LAMA3: variants seen among roughly 807,000 people sequenced by gnomAD.
LAMA3 encodes the protein laminin subunit alpha 3, also known as laminin subunit alpha-3.
LAMA3 carries 281 observed loss-of-function variants against 402.0 expected under a neutral mutation model. The ratio of observed to expected loss-of-function variants is 0.70; its 90% CI spans 0.63 to 0.77. The LOEUF (loss-of-function observed/expected upper bound fraction) is 0.77, where lower values mean the gene tolerates loss of function less well. LAMA3 is among the 30% of genes least tolerant of loss of function. The pLI is 0.00. For synonymous variants in LAMA3, 1,431 were observed against 1,558.4 expected (o/e 0.92, Z 1.93); for missense variants, 3,840 against 4,215.5 (o/e 0.91, Z 2.47).
chr18:23,818,281 G>A (rs938316050), intron 18 of LAMA3, among the ~76,000 whole-genome samples: 1 of 152,226 alleles, frequency 6.6e-6, no homozygotes, highest in Non-Finnish European at 1.5e-5. Flanking sequence ...GTGATTGACT[G>A]ATTTTCAGCA....
Position 23,785,907 on chromosome 18 carries a change from T to C in LAMA3, c.1603+1750T>C, listed in dbSNP as rs924332729. Among the ~76,000 whole-genome samples the C allele has an allele frequency of 1.1e-4, 17 of 152,230 alleles. 1 individual carries two copies. The highest frequency in any genetic ancestry group is 3.9e-4 in the African/African-American group (16 of 41,470). The stretch of plus-strand genomic sequence containing the variant: ...AAATAATACAACACTTTAAGAATGC[T>C]CTTTTCCACATTTCTCCACTACTAG... On this transcript the variant is annotated intron_variant, in intron 12 of 74. Transcript: ENST00000313654.
chr18:23,775,499 GTAGCAT>G (rs2062295886), intron 9 of LAMA3, among the ~76,000 whole-genome samples: 1 of 146,462 alleles, frequency 6.8e-6, no homozygotes, highest in Non-Finnish European at 1.5e-5. Flanking sequence ...CCCTCTGACT[GTAGCAT>G]GCAGGCTTTG....
rs150514244 is a variant in LAMA3 at position 23,894,932 on chromosome 18, C to A, written c.5487C>A (p.Leu1829=). 1 of 1,614,082 alleles carries A rather than the reference C, an allele frequency of 6.2e-7. No homozygotes were observed. The highest frequency in any genetic ancestry group is 8.5e-7 in the Non-Finnish European group (1 of 1,180,050). The change falls in exon 44 of 75, where the codon CTC becomes CTA. Residue 1829 remains leucine (L), a synonymous_variant. Coordinates refer to ENST00000313654, the MANE Select transcript of LAMA3 (RefSeq NM_198129.4). ...CDDCDSCVMT[L]LNDLATMGEQ... ...ATTGCGACAGCTGTGTGATGACCCT[C>A]CTGAACGACCTGGCCACCATGGGCG...
chr18:23,929,101 G>A (rs532432812), intron 64 of LAMA3, among the ~76,000 whole-genome samples: 1 of 152,336 alleles, frequency 6.6e-6, no homozygotes. Context: ...TCAGAGCTCA[G>A]AAAGAAAATC....
chr18:23,858,902 G>A, intron 34 of LAMA3, 73 bp downstream of exon 34: 3 of 1,456,254 alleles, frequency 2.1e-6, no homozygotes, highest in Non-Finnish European at 2.9e-6. Context: ...ATCCCTCGCT[G>A]CTCCTTGGCC....
intron 66 of LAMA3, among the ~76,000 whole-genome samples, chr18:23,932,738 T>G (rs1436806160): frequency 3.3e-5 from 5 of 152,222 alleles, no homozygotes; most frequent in African/African-American, 1.2e-4. Context: ...GGGGCTTCCA[T>G]GCAAGTGTTT....
intron 23 of LAMA3, among the ~76,000 whole-genome samples, chr18:23,830,029 T>C (rs2063462701): frequency 6.6e-6 from 1 of 152,232 alleles, no homozygotes; most frequent in Non-Finnish European, 1.5e-5. Flanking sequence ...CTCTTAACTC[T>C]GCATGAGCTA....
At chr18:23,896,452 T>G (rs746099942) in intron 44 of LAMA3, among the ~76,000 whole-genome samples, 5 of 152,260 alleles carry the variant, frequency 3.3e-5, no homozygotes, top group Non-Finnish European at 7.3e-5. Context: ...AACTCTTTCA[T>G]GGTCAGAGAA....
chr18:23,953,238 G>A, intron 74 of LAMA3, 129 bp downstream of exon 74: 1 of 1,243,466 alleles, frequency 8.0e-7, no homozygotes. Flanking sequence ...TGGCATGTGG[G>A]GAAAGGCAGT....
At position 23,857,900 on chromosome 18, in the gene LAMA3, G is replaced by A. The variant is rs558309965; in HGVS notation, c.4193G>A (p.Arg1398His). The A allele has an allele frequency of 1.4e-5, 23 of 1,614,200 alleles. No homozygotes were observed. Among genetic ancestry groups the A allele is most frequent in the African/African-American group, 4.0e-5 (3 of 75,048 alleles). Reference protein sequence around the residue: ...QCDRCASGFYRFPECVPCNCN... With the variant: ...QCDRCASGFYHFPECVPCNCN... ...GACCGATGTGCTTCCGGGTTTTACC[G>A]CTTTCCTGAGTGTGTTCCCTGCAAT... The change falls in exon 33 of 75, where the codon CGC becomes CAC. Residue 1398 changes from arginine (R) to histidine (H), a missense_variant. Transcript: ENST00000313654.
At chr18:23,745,894 C>T (rs1428810510) in intron 2 of LAMA3, among the ~76,000 whole-genome samples, 4 of 152,188 alleles carry the variant, frequency 2.6e-5, no homozygotes, top group Non-Finnish European at 5.9e-5. Context: ...GTCTATCAAA[C>T]TCACATAATT....
At chr18:23,757,562 G>A (rs2061875735) in intron 6 of LAMA3, among the ~76,000 whole-genome samples, 1 of 151,980 alleles carries the variant, frequency 6.6e-6, no homozygotes. Flanking sequence ...AGGCCTCAGG[G>A]GGCTCATCCA....
chr18:23,739,357 C>T (rs929412295), intron 2 of LAMA3, among the ~76,000 whole-genome samples: 6 of 152,092 alleles, frequency 3.9e-5, no homozygotes, highest in Non-Finnish European at 5.9e-5. Context: ...AATGACACTC[C>T]GACATAAAGC....
At chr18:23,741,871 C>T (rs901981724) in intron 2 of LAMA3, among the ~76,000 whole-genome samples, 1 of 152,166 alleles carries the variant, frequency 6.6e-6, no homozygotes, top group Non-Finnish European at 1.5e-5. Flanking sequence ...CCCCACCTGA[C>T]AGCACTTTGG....
chr18:23,703,258 A>T (rs1018293711), intron 1 of LAMA3, among the ~76,000 whole-genome samples: 1 of 152,224 alleles, frequency 6.6e-6, no homozygotes, highest in African/African-American at 2.4e-5. Flanking sequence ...TGGTATGATC[A>T]CACCACCTGG....
At chr18:23,728,597 T>C (rs1401246377) in intron 2 of LAMA3, among the ~76,000 whole-genome samples, 1 of 152,138 alleles carries the variant, frequency 6.6e-6, no homozygotes, top group African/African-American at 2.4e-5. Context: ...CTGTAGGTGC[T>C]TTATTAAGCT....
chr18:23,830,585 A>T (rs2063473503), intron 23 of LAMA3, among the ~76,000 whole-genome samples: 2 of 151,802 alleles, frequency 1.3e-5, no homozygotes, highest in South Asian at 4.2e-4. Context: ...GAATTCTCAA[A>T]CTCTCTCTTG....
At chr18:23,752,728 T>C (rs1392998769) in intron 5 of LAMA3, among the ~76,000 whole-genome samples, 3 of 152,160 alleles carry the variant, frequency 2.0e-5, no homozygotes, top group Non-Finnish European at 2.9e-5. Flanking sequence ...CCAGGAAGCA[T>C]TGATACTTTA....
chr18:23,737,993 G>A (rs1351610875), intron 2 of LAMA3, among the ~76,000 whole-genome samples: 1 of 152,192 alleles, frequency 6.6e-6, no homozygotes, highest in African/African-American at 2.4e-5. Flanking sequence ...TGGGGTGGAA[G>A]TGCCGTGCCT....
Sources: allele counts gnomAD v4.1 joint callset (sites outside exome capture counted in the v4.1 genomes callset), GRCh38; gene constraint gnomAD v4.1.1; transcripts MANE v1.5; gene names NCBI Gene and HGNC (gene_info 2026-07-23, HGNC 2026-07-21).